Variants in MAGI2 observed in about 807,000 individuals in gnomAD.
MAGI2 encodes the protein membrane associated guanylate kinase, WW and PDZ domain containing 2.
In MAGI2, 35 loss-of-function variants were observed where a neutral mutation model predicts 133.3. The ratio of observed to expected loss-of-function variants is 0.26; its 90% CI spans 0.20 to 0.35. The LOEUF is 0.35. Among genes scored for constraint, MAGI2 ranks in the 10% least tolerant of loss-of-function variants. The pLI is 1.00. For synonymous variants in MAGI2, 729 were observed against 710.6 expected (o/e 1.03, Z -0.41); for missense variants, 1,636 against 1,863.4 (o/e 0.88, Z 2.25).
Position 78,552,146 on chromosome 7 carries a change from C to T in MAGI2, c.539-30501G>A, listed in dbSNP as rs185784425. 2.9e-3 allele frequency among the ~76,000 whole-genome samples: 431 copies of T among 149,894 alleles called. 3 individuals are homozygous for T. Among genetic ancestry groups the T allele is most frequent in the African/African-American group, 9.9e-3 (406 of 40,866 alleles). ...ACAAACATAAGGTATTTTTAAATAA[C>T]CATAGACTTTTAGGTAGACATTTGT... is the stretch of plus-strand genomic sequence containing the variant. On this transcript the variant is annotated intron_variant, in intron 3 of 21. Coordinates refer to ENST00000354212, the MANE Select transcript of MAGI2 (RefSeq NM_012301.4).
At chr7:78,525,208 A>C (rs1796846815) in intron 3 of MAGI2, among the ~76,000 whole-genome samples, 1 of 152,214 alleles carries the variant, frequency 6.6e-6, no homozygotes, top group South Asian at 2.1e-4. Flanking sequence ...TAAGACATTA[A>C]GATTATCTTT....
At chr7:79,188,982 A>G (rs1350667029) in intron 1 of MAGI2, among the ~76,000 whole-genome samples, 2 of 151,846 alleles carry the variant, frequency 1.3e-5, no homozygotes, top group Non-Finnish European at 2.9e-5. Context: ...CACAATTATA[A>G]ATATTTTATG....
At chr7:79,005,756 A>G (rs1049720052) in intron 2 of MAGI2, among the ~76,000 whole-genome samples, 1 of 152,278 alleles carries the variant, frequency 6.6e-6, no homozygotes, top group Non-Finnish European at 1.5e-5. Flanking sequence ...GTTACCTTAT[A>G]AATAGTTCAG....
At chr7:78,795,901 T>C (rs1787566395) in intron 2 of MAGI2, among the ~76,000 whole-genome samples, 1 of 152,094 alleles carries the variant, frequency 6.6e-6, no homozygotes, top group Non-Finnish European at 1.5e-5. Flanking sequence ...ACAGACTGTT[T>C]AAATAAATGG....
intron 6 of MAGI2, among the ~76,000 whole-genome samples, chr7:78,404,804 C>A (rs1449756208): frequency 6.6e-6 from 1 of 152,058 alleles, no homozygotes; most frequent in Non-Finnish European, 1.5e-5. Context: ...GCAACAAAAA[C>A]CAAAATTGAC....
chr7:78,832,600 T>C (rs1791277273), intron 2 of MAGI2, among the ~76,000 whole-genome samples: 1 of 152,190 alleles, frequency 6.6e-6, no homozygotes, highest in Admixed American at 6.5e-5. Flanking sequence ...TCGGCTTCTG[T>C]TGAGTTTGAC....
At chr7:78,615,983 C>G (rs2150924940) in intron 3 of MAGI2, 1 of 152,218 alleles carries the variant, frequency 6.6e-6, no homozygotes, top group African/African-American at 2.4e-5. Context: ...GGAACAATTA[C>G]TAATTGATAA....
chr7:79,323,086 C>T (rs1021794006), intron 1 of MAGI2, among the ~76,000 whole-genome samples: 8 of 152,112 alleles, frequency 5.3e-5, no homozygotes, highest in African/African-American at 1.9e-4. Context: ...AATCCTCCCA[C>T]CTCGGCCTCC....
intron 21 of MAGI2, among the ~76,000 whole-genome samples, chr7:78,075,526 A>G (rs371634385): frequency 1.3e-5 from 2 of 151,922 alleles, no homozygotes; most frequent in Admixed American, 1.3e-4. Context: ...ACAGGCGCCC[A>G]CCACCACACC....
intron 1 of MAGI2, among the ~76,000 whole-genome samples, chr7:79,315,325 A>ATTTTTT (rs775143230): frequency 8.7e-5 from 8 of 92,470 alleles, no homozygotes; most frequent in Admixed American, 1.3e-4. Context: ...TGCCCAGTTA[A>ATTTTTT]TTTTTTTTTT....
At chr7:79,278,665 C>T (rs935620367) in intron 1 of MAGI2, among the ~76,000 whole-genome samples, 10 of 152,078 alleles carry the variant, frequency 6.6e-5, no homozygotes, top group African/African-American at 2.4e-4. Context: ...TGAAGCTCAA[C>T]AACAAACAAG....
intron 3 of MAGI2, among the ~76,000 whole-genome samples, chr7:78,593,885 T>G (rs1804311827): frequency 6.6e-6 from 1 of 152,220 alleles, no homozygotes; most frequent in Non-Finnish European, 1.5e-5. Flanking sequence ...AGCTTTAGAA[T>G]AGATGTGTTA....
chr7:78,904,445 C>T (rs959760499), intron 2 of MAGI2, among the ~76,000 whole-genome samples: 1 of 151,820 alleles, frequency 6.6e-6, no homozygotes, highest in Admixed American at 6.6e-5. Context: ...GTTAGAAGAT[C>T]ATACATTTGA....
intron 1 of MAGI2, among the ~76,000 whole-genome samples, chr7:79,026,591 A>T (rs1270704695): frequency 6.6e-6 from 1 of 152,114 alleles, no homozygotes; most frequent in Non-Finnish European, 1.5e-5. Context: ...AATGGGCAAG[A>T]AGCCAGGTGT....
At chr7:78,792,505 A>G (rs1787255477) in intron 2 of MAGI2, among the ~76,000 whole-genome samples, 1 of 152,242 alleles carries the variant, frequency 6.6e-6, no homozygotes, top group Non-Finnish European at 1.5e-5. Flanking sequence ...GAAGCCGATC[A>G]TGGTTACAGA....
At chr7:78,616,390 G>A (rs1235300580) in intron 3 of MAGI2, 1 of 152,048 alleles carries the variant, frequency 6.6e-6, no homozygotes, top group Non-Finnish European at 1.5e-5. Flanking sequence ...TTAGGGAAGG[G>A]TAATTATCAT....
chr7:79,304,747 C>T (rs939283106), intron 1 of MAGI2, among the ~76,000 whole-genome samples: 2 of 152,212 alleles, frequency 1.3e-5, no homozygotes, highest in Admixed American at 1.3e-4. Flanking sequence ...CTCTCAGCTT[C>T]TCAAGTGCTA....
intron 2 of MAGI2, among the ~76,000 whole-genome samples, chr7:78,664,454 G>A (rs115462477): frequency 0.02 from 3,065 of 151,722 alleles, 28 homozygotes; most frequent in Non-Finnish European, 0.025. Flanking sequence ...TTCCATTTTC[G>A]TTGATTATGT....
intron 9 of MAGI2, among the ~76,000 whole-genome samples, chr7:78,291,938 T>C (rs1010660569): frequency 7.9e-5 from 12 of 152,130 alleles, no homozygotes; most frequent in Admixed American, 4.6e-4. Flanking sequence ...TATCTCAAAA[T>C]AGTAAGAGCT....
Sources: gnomAD v4.1 joint callset for allele counts (sites outside exome capture counted in the v4.1 genomes callset) on GRCh38, gnomAD v4.1.1 for gene constraint, MANE v1.5 for transcripts, NCBI Gene and HGNC (gene_info 2026-07-23, HGNC 2026-07-21) for gene names.